SNRNP40: variants seen among roughly 807,000 people sequenced by gnomAD.
The protein encoded by SNRNP40 is small nuclear ribonucleoprotein U5 subunit 40, also known as U5 small nuclear ribonucleoprotein 40 kDa protein.
Under a neutral mutation model 45.8 loss-of-function variants are expected in SNRNP40, and 21 were observed. The ratio of observed to expected loss-of-function variants is 0.46; its 90% CI spans 0.32 to 0.66. The LOEUF (loss-of-function observed/expected upper bound fraction) is 0.66, where lower values mean the gene tolerates loss of function less well. Ranked by LOEUF, SNRNP40 falls within the 30% of genes least tolerant of loss-of-function variation. The pLI, the probability that SNRNP40 is intolerant of heterozygous loss-of-function variation, is 0.03. For synonymous variants in SNRNP40, 142 were observed against 163.8 expected (o/e 0.87, Z 1.01); for missense variants, 344 against 439.1 (o/e 0.78, Z 1.94).
chr1:31,270,642 A>G (rs1645930741), intron 6 of SNRNP40, among the ~76,000 whole-genome samples: 2 of 151,618 alleles, frequency 1.3e-5, no homozygotes, highest in Non-Finnish European at 1.5e-5. Context: ...GCCATTGAGA[A>G]TATAGTTAAA....
intron 5 of SNRNP40, among the ~76,000 whole-genome samples, chr1:31,275,350 G>A (rs907029531): frequency 2.9e-4 from 44 of 152,114 alleles, no homozygotes; most frequent in Admixed American, 2.9e-3. Flanking sequence ...GAGTCTTCCT[G>A]AGTTCGAGAG....
intron 5 of SNRNP40, among the ~76,000 whole-genome samples, chr1:31,274,411 A>T (rs1285303783): frequency 6.6e-6 from 1 of 151,660 alleles, no homozygotes; most frequent in Admixed American, 6.6e-5. Flanking sequence ...TAATTTTTGT[A>T]TTTTCAGCAG....
chr1:31,267,841 A>C, intron 8 of SNRNP40, 30 bp downstream of exon 8: 1 of 1,582,014 alleles, frequency 6.3e-7, no homozygotes. Context: ...CAGCTACATC[A>C]TTCTTTACTT....
At chr1:31,279,323 G>A (rs1391943438) in intron 5 of SNRNP40, among the ~76,000 whole-genome samples, 1 of 152,208 alleles carries the variant, frequency 6.6e-6, no homozygotes. Flanking sequence ...TTTAAGATCC[G>A]TGAGGAGGTC....
intron 5 of SNRNP40, among the ~76,000 whole-genome samples, chr1:31,276,859 C>T (rs1645979420): frequency 6.6e-6 from 1 of 152,092 alleles, no homozygotes; most frequent in African/African-American, 2.4e-5. Flanking sequence ...ATGGTGAAAC[C>T]ATGTCTCTAC....
At chr1:31,268,993 A>G (rs957182118) in intron 7 of SNRNP40, among the ~76,000 whole-genome samples, 165 bp downstream of exon 7, 11 of 152,200 alleles carry the variant, frequency 7.2e-5, no homozygotes, top group Non-Finnish European at 1.6e-4. Flanking sequence ...CCCAGTCACT[A>G]TTATTTCTAT....
intron 5 of SNRNP40, among the ~76,000 whole-genome samples, chr1:31,276,311 G>A (rs984736904): frequency 6.6e-6 from 1 of 152,118 alleles, no homozygotes; most frequent in African/African-American, 2.4e-5. Context: ...GGAATTCAAG[G>A]TTACAGTGAG....
At chr1:31,294,860 T>G (rs1646130684) in intron 1 of SNRNP40, among the ~76,000 whole-genome samples, 1 of 151,008 alleles carries the variant, frequency 6.6e-6, no homozygotes, top group South Asian at 2.1e-4. Flanking sequence ...GAGAATCGCT[T>G]GAACCCGGGT....
chr1:31,274,814 G>A (rs1645963978), intron 5 of SNRNP40, among the ~76,000 whole-genome samples: 1 of 152,134 alleles, frequency 6.6e-6, no homozygotes, highest in Non-Finnish European at 1.5e-5. Context: ...GAAGTTCCAA[G>A]AGATTGGTGG....
At chr1:31,263,151 G>A (rs756374401) in intron 8 of SNRNP40, 2 of 151,768 alleles carry the variant, frequency 1.3e-5, no homozygotes, top group Non-Finnish European at 2.9e-5. Flanking sequence ...TTTCTGCAAT[G>A]CTAGAATAAA....
At chr1:31,288,326 G>T (rs555367697) in intron 4 of SNRNP40, among the ~76,000 whole-genome samples, 1 of 152,260 alleles carries the variant, frequency 6.6e-6, no homozygotes, top group Non-Finnish European at 1.5e-5. Context: ...CAAATGGTTG[G>T]TACTATGATG....
chr1:31,296,677 C>A lies in SNRNP40; in HGVS notation c.75G>T (p.Leu25=). The change falls in exon 1 of 10, where the codon CTG becomes CTT. Residue 25 remains leucine (L), a synonymous_variant. Transcript: ENST00000263694. ...CTCCTGGGCCAGACCCCGCTCCCAACAGCAACTCATGCCGCTGCCGCTTGA... is the reference window on the plus strand; with the variant it reads ...CTCCTGGGCCAGACCCCGCTCCCAAAAGCAACTCATGCCGCTGCCGCTTGA... ...VPVKRQRHEL[L]LGAGSGPGAG... 1 of 1,614,012 alleles carries A rather than the reference C, an allele frequency of 6.2e-7. No homozygotes were observed. Among genetic ancestry groups the A allele is most frequent in the Non-Finnish European group, 8.5e-7 (1 of 1,179,942 alleles).
chr1:31,273,198 G>A (rs1242719177), intron 5 of SNRNP40, among the ~76,000 whole-genome samples: 2 of 152,194 alleles, frequency 1.3e-5, no homozygotes, highest in Non-Finnish European at 2.9e-5. Flanking sequence ...CTTCTCTTCT[G>A]AGAAGGCACT....
intron 4 of SNRNP40, among the ~76,000 whole-genome samples, chr1:31,287,761 AGGCCGAGGGG>A (rs1387619916): frequency 2.0e-5 from 3 of 152,178 alleles, no homozygotes; most frequent in Non-Finnish European, 4.4e-5. Flanking sequence ...GCACTTTGGG[AGGCCGAGGGG>A]GGCGGATCAC....
intron 4 of SNRNP40, chr1:31,282,416 A>T (rs1393903056): frequency 6.6e-6 from 1 of 152,060 alleles, no homozygotes; most frequent in Non-Finnish European, 1.5e-5. Flanking sequence ...GGGCTGGGGA[A>T]GGAGACAATT....
chr1:31,293,410 G>C (rs548547451), intron 1 of SNRNP40, 62 bp from the exon 2 acceptor site: 223 of 1,504,526 alleles, frequency 1.5e-4, no homozygotes, highest in Non-Finnish European at 1.8e-4. Flanking sequence ...ACAAAATTAG[G>C]GGGTGGGGAG....
At chr1:31,284,100 A>G (rs1409822660) in intron 4 of SNRNP40, among the ~76,000 whole-genome samples, 1 of 152,106 alleles carries the variant, frequency 6.6e-6, no homozygotes, top group East Asian at 1.9e-4. Flanking sequence ...GTATATGCCT[A>G]TAGTCCCAGC....
At chr1:31,295,802 G>C (rs1351201952) in intron 1 of SNRNP40, among the ~76,000 whole-genome samples, 1 of 152,254 alleles carries the variant, frequency 6.6e-6, no homozygotes, top group Non-Finnish European at 1.5e-5. Flanking sequence ...AAAAATGCCA[G>C]ATGAGATAAT....
At chr1:31,260,883 AT>A (rs1160947322) in intron 9 of SNRNP40, 2 of 669,510 alleles carry the variant, frequency 3.0e-6, no homozygotes. Context: ...AAAAAAAAGT[AT>A]CTTTCTTTTA....
Sources: gnomAD v4.1 joint callset for allele counts (sites outside exome capture counted in the v4.1 genomes callset) on GRCh38, gnomAD v4.1.1 for gene constraint, MANE v1.5 for transcripts, NCBI Gene and HGNC (gene_info 2026-07-23, HGNC 2026-07-21) for gene names.